Variants in ERAP1 observed in about 807,000 individuals in gnomAD.
ERAP1 encodes the protein endoplasmic reticulum aminopeptidase 1, also known as adipocyte-derived leucine aminopeptidase.
ERAP1 carries 86 observed loss-of-function variants against 103.7 expected under a neutral mutation model. The observed-to-expected ratio is 0.83, with a 90% CI of 0.70 to 0.99. ERAP1 has a LOEUF of 0.99. Ranked by LOEUF, ERAP1 falls within the 50% of genes least tolerant of loss-of-function variation. ERAP1 has a pLI of 0.00. For missense variants in ERAP1, 1,009 were observed against 1,128.4 expected, an observed-to-expected ratio of 0.89 and a Z score of 1.52; for synonymous variants, 398 against 402.4, an observed-to-expected ratio of 0.99 and a Z score of 0.13.
chr5:96,896,675 A>G, the ERAP1 span: 1 of 1,507,464 alleles, frequency 6.6e-7, no homozygotes, highest in African/African-American at 1.4e-5. Flanking sequence ...CTTTAAAAAC[A>G]TACCATACTA....
At chr5:96,916,776 T>G in the ERAP1 span, among the ~76,000 whole-genome samples, 1 of 151,434 alleles carries the variant, frequency 6.6e-6, no homozygotes, top group Non-Finnish European at 1.5e-5. Context: ...TTTTTTTTTT[T>G]TTTAAAGCAT....
chr5:96,775,922 A>C lies in ERAP1; in HGVS notation c.*474T>G, dbSNP rs756136324. On this transcript the variant is annotated 3_prime_UTR_variant, in exon 19 of 19. Coordinates refer to ENST00000443439, the MANE Select transcript of ERAP1 (RefSeq NM_001040458.3). Reference sequence around the variant, plus strand: ...TCAGCCCCTGGGCATGGAGCAAGGAAGAGGGATGGGCAGCGGGTCTGGAGG... The same window carrying C: ...TCAGCCCCTGGGCATGGAGCAAGGACGAGGGATGGGCAGCGGGTCTGGAGG... 134 of 1,012,794 alleles carry C rather than the reference A, an allele frequency of 1.3e-4. No individual in the cohort carries two copies. Among genetic ancestry groups the C allele is most frequent in the Middle Eastern group, 4.8e-4 (1 of 2,064 alleles). The allele number at this position is 1,012,794 out of a possible 1,614,324, so 62.7% of individuals were successfully genotyped here. A position where few individuals can be genotyped will look rare whatever the true frequency, so the allele number is the denominator to read the frequency against.
intron 5 of ERAP1, 118 bp from the exon 6 acceptor site, chr5:96,794,075 T>G: frequency 4.1e-6 from 4 of 970,920 alleles, no homozygotes; most frequent in Non-Finnish European, 4.9e-6. Flanking sequence ...CATGGAGCTC[T>G]AGACTGGAAG....
the ERAP1 span, chr5:96,896,274 A>G: frequency 3.1e-6 from 3 of 953,974 alleles, no homozygotes; most frequent in Non-Finnish European, 4.6e-6. Flanking sequence ...ATCGATTGAA[A>G]TCTTACCTCT....
At chr5:96,931,331 AT>A in the ERAP1 span, among the ~76,000 whole-genome samples, 1 of 151,674 alleles carries the variant, frequency 6.6e-6, no homozygotes, top group Non-Finnish European at 1.5e-5. Context: ...TAATTTTTCA[AT>A]TTTTTGTAGA....
chr5:96,872,090 A>G, the ERAP1 span, among the ~76,000 whole-genome samples: 1 of 152,196 alleles, frequency 6.6e-6, no homozygotes, highest in Non-Finnish European at 1.5e-5. Context: ...GAACATAGGC[A>G]TAACAATAAT....
the ERAP1 span, among the ~76,000 whole-genome samples, chr5:96,861,660 T>C: frequency 1.3e-5 from 2 of 152,228 alleles, no homozygotes; most frequent in African/African-American, 4.8e-5. Flanking sequence ...TACCATCTTA[T>C]TTGATCCCAG....
chr5:96,824,847 G>A, the ERAP1 span, among the ~76,000 whole-genome samples: 97 of 152,266 alleles, frequency 6.4e-4, 1 homozygote, highest in African/African-American at 2.2e-3. Flanking sequence ...CCTGGAGTTC[G>A]AGACCAGCCT....
the ERAP1 span, among the ~76,000 whole-genome samples, chr5:96,928,650 A>C: frequency 1.3e-5 from 2 of 152,194 alleles, no homozygotes; most frequent in Non-Finnish European, 2.9e-5. Context: ...TCTGTTGTTT[A>C]AGTCATTCAG....
the ERAP1 span, among the ~76,000 whole-genome samples, chr5:96,892,043 T>C: frequency 1.2e-3 from 189 of 152,286 alleles, 1 homozygote; most frequent in African/African-American, 4.5e-3. Flanking sequence ...TTCAGCACTT[T>C]CAGGAAGAAA....
the ERAP1 span, among the ~76,000 whole-genome samples, chr5:96,913,892 G>A: frequency 6.6e-6 from 1 of 152,148 alleles, no homozygotes; most frequent in Non-Finnish European, 1.5e-5. Flanking sequence ...CTCACCCCTA[G>A]AGCCCCTGTG....
At chr5:96,914,489 T>G in the ERAP1 span, among the ~76,000 whole-genome samples, 1 of 152,230 alleles carries the variant, frequency 6.6e-6, no homozygotes, top group Non-Finnish European at 1.5e-5. Context: ...CCTTTAAAAC[T>G]CTACTTGAGC....
the ERAP1 span, among the ~76,000 whole-genome samples, chr5:96,874,136 G>GAGAGAA: frequency 1.2e-3 from 144 of 118,882 alleles, 1 homozygote; most frequent in African/African-American, 4.3e-3. Flanking sequence ...GAAAGAGAGA[G>GAGAGAA]AGAAAGAAAG....
chr5:96,836,011 C>A, the ERAP1 span, among the ~76,000 whole-genome samples: 1 of 152,128 alleles, frequency 6.6e-6, no homozygotes, highest in Non-Finnish European at 1.5e-5. Flanking sequence ...AAAGAAGGAA[C>A]AACTTCTCTC....
rs1163111365 is a variant in ERAP1 at position 96,765,329 on chromosome 5, A to T, written c.2819-2101T>A. ...ACCAATGGAAGATAAAGTAAAGGTAAAAAAAAAAAAAAAAAAAAAAAAAAT... is the reference window on the plus strand; with the variant it reads ...ACCAATGGAAGATAAAGTAAAGGTATAAAAAAAAAAAAAAAAAAAAAAAAT... On this transcript the variant is annotated intron_variant, in intron 19 of 19. Coordinates refer to the ERAP1 transcript ENST00000296754. The T allele has an allele frequency of 6.8e-4, 12 of 17,640 alleles. No individual in the cohort carries two copies. The East Asian group carries it at 9.6e-3, about 14-fold the overall frequency. 1.1% of individuals were successfully genotyped at this position (17,640 alleles called of 1,614,324 possible).
the ERAP1 span, among the ~76,000 whole-genome samples, chr5:96,829,941 G>T: frequency 1.3e-5 from 2 of 152,128 alleles, no homozygotes; most frequent in Non-Finnish European, 2.9e-5. Flanking sequence ...TACGTAAATT[G>T]AACCAACTTT....
the ERAP1 span, among the ~76,000 whole-genome samples, chr5:96,838,208 G>C: frequency 3.3e-5 from 5 of 152,170 alleles, no homozygotes; most frequent in East Asian, 7.7e-4. Flanking sequence ...CCTGCCTCCT[G>C]TCCCTATCAT....
chr5:96,844,816 T>C, the ERAP1 span, among the ~76,000 whole-genome samples: 58 of 152,354 alleles, frequency 3.8e-4, no homozygotes, highest in Non-Finnish European at 6.6e-4. Context: ...TTGCTCAAAC[T>C]TTTAAAAAGG....
the ERAP1 span, among the ~76,000 whole-genome samples, chr5:96,907,965 T>G: frequency 1.3e-5 from 2 of 152,160 alleles, no homozygotes; most frequent in African/African-American, 4.8e-5. Context: ...GTGAAATTTT[T>G]GAAAAAAATT....
Sources: gnomAD v4.1 joint callset for allele counts (sites outside exome capture counted in the v4.1 genomes callset) on GRCh38, gnomAD v4.1.1 for gene constraint, MANE v1.5 for transcripts, NCBI Gene and HGNC (gene_info 2026-07-23, HGNC 2026-07-21) for gene names.